ANKS1B: variants seen among roughly 807,000 people sequenced by gnomAD.
The protein encoded by ANKS1B is ankyrin repeat and sterile alpha motif domain containing 1B, also known as ankyrin repeat and sterile alpha motif domain-containing protein 1B.
Under a neutral mutation model 148.3 loss-of-function variants are expected in ANKS1B, and 36 were observed. The ratio of observed to expected loss-of-function variants is 0.24; its 90% CI spans 0.19 to 0.32. The LOEUF is 0.32. Among genes scored for constraint, ANKS1B ranks in the 10% least tolerant of loss-of-function variants. ANKS1B has a pLI of 1.00. For synonymous variants in ANKS1B, 542 were observed against 560.8 expected, an observed-to-expected ratio of 0.97 and a Z score of 0.47; for missense variants, 1,157 against 1,542.6, an observed-to-expected ratio of 0.75 and a Z score of 4.19.
At chr12:99,081,103 G>T (rs987015881) in intron 16 of ANKS1B, among the ~76,000 whole-genome samples, 1 of 152,090 alleles carries the variant, frequency 6.6e-6, no homozygotes, top group Admixed American at 6.5e-5. Context: ...GTAAATCTTC[G>T]CATTGGTGAA....
At chr12:99,110,871 T>C (rs1049007725) in intron 15 of ANKS1B, among the ~76,000 whole-genome samples, 1 of 152,210 alleles carries the variant, frequency 6.6e-6, no homozygotes, top group African/African-American at 2.4e-5. Flanking sequence ...ACTGTATTGA[T>C]TGCCCCATTA....
rs1383421486 is a variant in ANKS1B, at chr12:99,525,957, A to T, written c.1273-21316T>A. ...GTTAATCTCTTTAATATATATAAAG[A>T]TAATAATAAATTGAGATGAAAGAGA... On this transcript the variant is annotated intron_variant, in intron 9 of 26. Coordinates refer to ENST00000683438, the MANE Select transcript of ANKS1B (RefSeq NM_001352186.2). Among the ~76,000 whole-genome samples the T allele has an allele frequency of 2.0e-5, 3 of 152,100 alleles. No individual in the cohort carries two copies. In the East Asian group the frequency reaches 5.8e-4, roughly 29 times the overall value.
chr12:98,811,245 C>T (rs2099093129), intron 19 of ANKS1B, among the ~76,000 whole-genome samples: 1 of 152,174 alleles, frequency 6.6e-6, no homozygotes, highest in Non-Finnish European at 1.5e-5. Context: ...TCTAGCTTGA[C>T]TTCTTCCAAC....
chr12:99,245,123 AGG>A, intron 13 of ANKS1B, among the ~76,000 whole-genome samples: 1 of 152,096 alleles, frequency 6.6e-6, no homozygotes, highest in African/African-American at 2.4e-5. Context: ...CCAAAGTGCT[AGG>A]ATTACAGGCA....
intron 16 of ANKS1B, among the ~76,000 whole-genome samples, chr12:99,083,399 T>G (rs991827837): frequency 1.7e-4 from 26 of 152,212 alleles, no homozygotes; most frequent in African/African-American, 6.0e-4. Context: ...TTTCCCTCCT[T>G]CTAATCCCAC....
chr12:98,862,430 G>A (rs913182557), intron 17 of ANKS1B, among the ~76,000 whole-genome samples: 1 of 152,066 alleles, frequency 6.6e-6, no homozygotes, highest in Non-Finnish European at 1.5e-5. Flanking sequence ...ACAGTGACTG[G>A]AACATAGTGA....
At chr12:99,075,435 A>G (rs1015720253) in intron 16 of ANKS1B, among the ~76,000 whole-genome samples, 40 of 152,126 alleles carry the variant, frequency 2.6e-4, no homozygotes, top group Non-Finnish European at 4.4e-4. Context: ...AATAAATTTA[A>G]CAGTGTTAAA....
intron 9 of ANKS1B, among the ~76,000 whole-genome samples, chr12:99,558,553 T>C (rs1597058781): frequency 6.6e-6 from 1 of 152,252 alleles, no homozygotes; most frequent in Non-Finnish European, 1.5e-5. Flanking sequence ...GGTTGGTGTG[T>C]GTCAACAAGA....
chr12:99,711,577 C>G (rs1278813310), intron 8 of ANKS1B, among the ~76,000 whole-genome samples: 1 of 151,978 alleles, frequency 6.6e-6, no homozygotes, highest in African/African-American at 2.4e-5. Flanking sequence ...ATACCTGTGG[C>G]CAACAAGCAT....
chr12:99,091,967 C>T (rs918876094), intron 15 of ANKS1B, among the ~76,000 whole-genome samples: 13 of 152,294 alleles, frequency 8.5e-5, no homozygotes, highest in African/African-American at 2.6e-4. Flanking sequence ...CTGAAATTCA[C>T]ATTTGAAAGC....
intron 9 of ANKS1B, among the ~76,000 whole-genome samples, chr12:99,588,454 T>C (rs2097666148): frequency 6.6e-6 from 1 of 151,706 alleles, no homozygotes; most frequent in Non-Finnish European, 1.5e-5. Context: ...TCTCGCTCTG[T>C]CACCCAGGCT....
At chr12:99,350,740 T>A (rs985519338) in intron 12 of ANKS1B, among the ~76,000 whole-genome samples, 1 of 152,092 alleles carries the variant, frequency 6.6e-6, no homozygotes, top group Admixed American at 6.6e-5. Flanking sequence ...TTAATATTAA[T>A]GCAAACATCA....
chr12:99,028,330 C>A (rs933447507), intron 17 of ANKS1B, among the ~76,000 whole-genome samples: 1 of 152,142 alleles, frequency 6.6e-6, no homozygotes, highest in Non-Finnish European at 1.5e-5. Flanking sequence ...GCTGATAATT[C>A]AAGCATTGTT....
chr12:99,612,518 A>G (rs929905898), intron 9 of ANKS1B, among the ~76,000 whole-genome samples: 5 of 152,174 alleles, frequency 3.3e-5, no homozygotes, highest in Non-Finnish European at 7.3e-5. Flanking sequence ...AACAACACAT[A>G]GGTTGGATTC....
intron 15 of ANKS1B, among the ~76,000 whole-genome samples, chr12:99,123,022 A>C (rs2063341785): frequency 6.8e-6 from 1 of 147,934 alleles, no homozygotes; most frequent in African/African-American, 2.5e-5. Context: ...ATAAACATGT[A>C]TATAAACCAA....
At chr12:99,483,846 T>C (rs1464099912) in intron 10 of ANKS1B, among the ~76,000 whole-genome samples, 3 of 152,092 alleles carry the variant, frequency 2.0e-5, no homozygotes, top group Non-Finnish European at 4.4e-5. Context: ...GGTTGTAATG[T>C]ATCCAGTTTC....
chr12:99,550,292 C>A (rs1426051081), intron 9 of ANKS1B, among the ~76,000 whole-genome samples: 1 of 152,130 alleles, frequency 6.6e-6, no homozygotes, highest in Non-Finnish European at 1.5e-5. Flanking sequence ...GCTGCTTGCT[C>A]AAAATTCAAA....
In ANKS1B at chr12:99,374,200, T is replaced by G. The variant is rs139574313; in HGVS notation, c.1756+25431A>C. Among the ~76,000 whole-genome samples, 626 of 152,330 alleles carry G rather than the reference T, an allele frequency of 4.1e-3. 4 individuals carry two copies. The highest frequency in any genetic ancestry group is 0.014 in the African/African-American group (597 of 41,568). ...ATACATAAATGAATGGAAAGAATAG[T>G]ACAGCAGGCCCTTGAATAATGTTGT... On this transcript the variant is annotated intron_variant, in intron 12 of 26. Transcript: ENST00000683438.
intron 18 of ANKS1B, among the ~76,000 whole-genome samples, chr12:98,830,644 C>T (rs925865878): frequency 1.4e-4 from 21 of 152,130 alleles, no homozygotes; most frequent in Non-Finnish European, 2.5e-4. Context: ...GTCCGGGTGC[C>T]GTGCTTGTGT....
Sources: gnomAD v4.1 joint callset for allele counts (sites outside exome capture counted in the v4.1 genomes callset) on GRCh38, gnomAD v4.1.1 for gene constraint, MANE v1.5 for transcripts, NCBI Gene and HGNC (gene_info 2026-07-23, HGNC 2026-07-21) for gene names.